SLC22A4: variants seen among roughly 807,000 people sequenced by gnomAD.
SLC22A4 encodes solute carrier family 22 member 4.
Under a neutral mutation model 56.6 loss-of-function variants are expected in SLC22A4, and 39 were observed. The observed-to-expected ratio is 0.69, with a 90% CI of 0.53 to 0.90. The LOEUF (loss-of-function observed/expected upper bound fraction) is 0.90, where lower values mean the gene tolerates loss of function less well. SLC22A4 is among the 40% of genes least tolerant of loss of function. SLC22A4 has a pLI of 0.00. For missense variants in SLC22A4, 594 were observed against 696.5 expected (o/e 0.85, Z 1.66); for synonymous variants, 241 against 281.4 (o/e 0.86, Z 1.44).
At chr5:132,316,836 A>C (rs11950562) in intron 3 of SLC22A4, among the ~76,000 whole-genome samples, 55,312 of 152,128 alleles carry the variant, frequency 0.36, 11,097 homozygotes, top group Non-Finnish European at 0.46. Flanking sequence ...TAAATTGAAC[A>C]GTTGAAATAT....
Position 132,332,373 on chromosome 5 carries a change from A to G in SLC22A4, c.1046+523A>G, listed in dbSNP as rs145884243. 134 of 159,142 alleles carry G rather than the reference A, an allele frequency of 8.4e-4. 2 individuals carry two copies. The East Asian group carries it at 0.019, about 23-fold the overall frequency. 9.9% of individuals were successfully genotyped at this position (159,142 alleles called of 1,614,324 possible). ...CTGCAGTACTGGGACCCAAAGGGAA[A>G]GCATTCCCTTCCCCCTCCTAAAGTT... is the stretch of plus-strand genomic sequence containing the variant. On this transcript the variant is annotated intron_variant, in intron 6 of 9. Coordinates refer to ENST00000200652, the MANE Select transcript of SLC22A4 (RefSeq NM_003059.3).
Position 132,335,976 on chromosome 5 carries a change from A to G in SLC22A4, c.1420A>G (p.Ile474Val). Residue 474 changes from isoleucine (I) to valine (V), a missense_variant, in exon 8 of 10, where the codon ATT becomes GTT. Transcript: ENST00000200652. The stretch of plus-strand genomic sequence containing the variant: ...CACGGCCTCCAGAGTGGGCAGCATC[A>G]TTGCCCCCTACTTTGTTTACCTCGG... ...TSTASRVGSI[I>V]APYFVYLGAY... 2 of 1,614,078 alleles carry G rather than the reference A, an allele frequency of 1.2e-6. No individual in the cohort carries two copies. The highest frequency in any genetic ancestry group is 2.2e-5 in the South Asian group (2 of 91,086).
chr5:132,335,897 C>T lies in SLC22A4; in HGVS notation c.1341C>T (p.Phe447=). The change falls in exon 8 of 10, where the codon TTC becomes TTT. Residue 447 remains phenylalanine, a synonymous_variant. Coordinates refer to ENST00000200652, the MANE Select transcript of SLC22A4 (RefSeq NM_003059.3). The stretch of plus-strand genomic sequence containing the variant: ...CTGCTTTCTCCATGCTGTATGTCTT[C>T]ACTGCTGAGCTCTACCCAACCCTGG... The part of the protein sequence containing the change: ...ITSAFSMLYV[F]TAELYPTLVR... 6.2e-7 allele frequency: 1 copy of T among 1,614,136 alleles called. No homozygotes were observed.
intron 8 of SLC22A4, 105 bp downstream of exon 8, chr5:132,336,105 A>C: frequency 1.7e-6 from 2 of 1,205,672 alleles, no homozygotes; most frequent in South Asian, 2.5e-5. Context: ...TACTGGAAAA[A>C]AGTACAAGTT....
intron 3 of SLC22A4, among the ~76,000 whole-genome samples, chr5:132,318,193 C>T (rs1287274944): frequency 6.6e-6 from 1 of 152,244 alleles, no homozygotes; most frequent in African/African-American, 2.4e-5. Context: ...CTGTCTTCCA[C>T]TGGGCCTTTT....
intron 1 of SLC22A4, among the ~76,000 whole-genome samples, chr5:132,297,961 T>C (rs940746069): frequency 6.6e-6 from 1 of 152,102 alleles, no homozygotes; most frequent in Non-Finnish European, 1.5e-5. Flanking sequence ...AAAAGTGTTG[T>C]TGTTGTTTTT....
At chr5:132,324,349 C>G (rs1443683160) in intron 4 of SLC22A4, 1 of 369,506 alleles carries the variant, frequency 2.7e-6, no homozygotes, top group African/African-American at 2.1e-5. Flanking sequence ...ACGAACAGCT[C>G]TGATCCATTA....
At position 132,315,364 on chromosome 5, in the gene SLC22A4, G is replaced by A. The variant is rs3828672; in HGVS notation, c.652+1596G>A. ...CGGTGAAGCCAGAGAAGCTCTCTCC[G>A]TGGGAATGGGAACAAGGTGGGACTT... On this transcript the variant is annotated intron_variant, in intron 3 of 9. Transcript: ENST00000200652. 3.1e-4 allele frequency among the ~76,000 whole-genome samples: 47 copies of A among 152,268 alleles called. 1 individual carries two copies. The East Asian group carries it at 8.3e-3, about 27-fold the overall frequency.
At chr5:132,307,104 G>A (rs1236510228) in intron 1 of SLC22A4, among the ~76,000 whole-genome samples, 1 of 152,166 alleles carries the variant, frequency 6.6e-6, no homozygotes, top group Non-Finnish European at 1.5e-5. Context: ...ATGTTATGGT[G>A]TATAAATCAT....
chr5:132,334,502 A>C (rs1750961472), intron 6 of SLC22A4, among the ~76,000 whole-genome samples: 1 of 152,232 alleles, frequency 6.6e-6, no homozygotes, highest in Non-Finnish European at 1.5e-5. Flanking sequence ...TATAGTAGCC[A>C]CTAGCTACAC....
At chr5:132,304,388 G>A (rs1451146809) in intron 1 of SLC22A4, among the ~76,000 whole-genome samples, 4 of 152,204 alleles carry the variant, frequency 2.6e-5, no homozygotes, top group Admixed American at 6.5e-5. Context: ...AGGCCAAGGC[G>A]GGTGGATCAC....
In SLC22A4 at chr5:132,322,226, CA is replaced by C; in HGVS notation, c.696del (p.Leu233Ter). ...LGKSVRIIFSTLGVCTFFAVG... is the reference protein window; with the variant it reads ...LGKSVRIIFSXLGVCTFFAVG... ...AAGTCAGTTCGTATTATATTCTCTACATTAGGAGTGTGCACATTTTTTGCAG... is the reference window on the plus strand; with the variant it reads ...AAGTCAGTTCGTATTATATTCTCTACTTAGGAGTGTGCACATTTTTTGCAG... On this transcript the variant is annotated frameshift_variant, in exon 4 of 10. Coordinates refer to ENST00000200652, the MANE Select transcript of SLC22A4 (RefSeq NM_003059.3). LOFTEE classifies it high-confidence loss of function. 1 of 1,613,806 alleles carries C rather than the reference CA, an allele frequency of 6.2e-7. No homozygotes were observed. Among genetic ancestry groups the C allele is most frequent in the Non-Finnish European group, 8.5e-7 (1 of 1,179,788 alleles).
chr5:132,340,067 T>G (rs1013503584), intron 8 of SLC22A4, among the ~76,000 whole-genome samples: 1,151 of 18,542 alleles, frequency 0.062, 22 homozygotes, highest in African/African-American at 0.21. Context: ...TTAGTTGTTT[T>G]TTTTTTTTTT....
chr5:132,331,824 A>G lies in SLC22A4; in HGVS notation c.1020A>G (p.Ile340Met). 6.2e-7 allele frequency: 1 copy of G among 1,612,420 alleles called. No individual in the cohort carries two copies. The highest frequency in any genetic ancestry group is 8.5e-7 in the Non-Finnish European group (1 of 1,178,462). Reference sequence around the variant, plus strand: ...TGTTCAGGACTCGGAATATTGCCATAATGACCATTATGTCTTTGCTGCTAT... The same window carrying G: ...TGTTCAGGACTCGGAATATTGCCATGATGACCATTATGTCTTTGCTGCTAT... The part of the protein sequence containing the change: ...LDLFRTRNIA[I>M]MTIMSLLLWM... Residue 340 changes from isoleucine to methionine, a missense_variant, in exon 6 of 10, where the codon ATA (isoleucine) becomes ATG (methionine). By Grantham distance (10) the Ile-to-Met change is conservative. Coordinates refer to ENST00000200652, the MANE Select transcript of SLC22A4 (RefSeq NM_003059.3).
intron 3 of SLC22A4, 94 bp from the exon 4 acceptor site, chr5:132,322,087 AGTG>A (rs1750557709): frequency 1.7e-5 from 19 of 1,118,818 alleles, no homozygotes; most frequent in Non-Finnish European, 2.6e-5. Context: ...CCCTTTTCTA[AGTG>A]GTGATAGTTT....
chr5:132,303,439 C>T (rs1749951788), intron 1 of SLC22A4, among the ~76,000 whole-genome samples: 1 of 152,026 alleles, frequency 6.6e-6, no homozygotes, highest in South Asian at 2.1e-4. Context: ...CCTTCCCCTT[C>T]CTCCCAGCAC....
intron 8 of SLC22A4, among the ~76,000 whole-genome samples, chr5:132,338,353 G>A (rs1381447076): frequency 6.6e-6 from 1 of 152,174 alleles, no homozygotes; most frequent in East Asian, 1.9e-4. Flanking sequence ...AAGGCAAATG[G>A]AGGCAGGGTG....
intron 8 of SLC22A4, among the ~76,000 whole-genome samples, chr5:132,337,781 G>A (rs1322614693): frequency 6.6e-6 from 1 of 150,912 alleles, no homozygotes; most frequent in Non-Finnish European, 1.5e-5. Flanking sequence ...TGTCACCCAG[G>A]CTGGAGTACA....
chr5:132,316,808 T>A, intron 3 of SLC22A4, among the ~76,000 whole-genome samples: 1 of 152,206 alleles, frequency 6.6e-6, no homozygotes, highest in East Asian at 1.9e-4. Context: ...CACATATATA[T>A]ATATTTTTTA....
Sources: gnomAD v4.1 joint callset for allele counts (sites outside exome capture counted in the v4.1 genomes callset) on GRCh38, gnomAD v4.1.1 for gene constraint, MANE v1.5 for transcripts, NCBI Gene and HGNC (gene_info 2026-07-23, HGNC 2026-07-21) for gene names.